HADHA: variants seen among roughly 807,000 people sequenced by gnomAD.
The protein encoded by HADHA is hydroxyacyl-CoA dehydrogenase trifunctional multienzyme complex subunit alpha.
In HADHA, 59 loss-of-function variants were observed where a neutral mutation model predicts 91.3. The ratio of observed to expected loss-of-function variants is 0.65; its 90% CI spans 0.52 to 0.80. HADHA has a LOEUF of 0.80. Among genes scored for constraint, HADHA ranks in the 30% least tolerant of loss-of-function variants. The pLI, the probability that HADHA is intolerant of heterozygous loss-of-function variation, is 0.00. For missense variants in HADHA, 800 were observed against 927.6 expected (o/e 0.86, Z 1.79); for synonymous variants, 320 against 338.9 (o/e 0.94, Z 0.61).
intron 7 of HADHA, among the ~76,000 whole-genome samples, chr2:26,219,662 C>T (rs1026000481): frequency 1.3e-5 from 2 of 152,124 alleles, no homozygotes; most frequent in Non-Finnish European, 2.9e-5. Flanking sequence ...AAAGGAATCC[C>T]GGGGTGGCAG....
intron 5 of HADHA, among the ~76,000 whole-genome samples, chr2:26,233,409 A>C (rs1188373716): frequency 1.3e-5 from 2 of 152,264 alleles, no homozygotes. Context: ...AAATGACTGC[A>C]TATGTGAAAG....
At chr2:26,197,873 C>T (rs1669719822) in intron 13 of HADHA, 96 bp from the exon 14 acceptor site, 1 of 760,688 alleles carries the variant, frequency 1.3e-6, no homozygotes, top group African/African-American at 1.7e-5. Context: ...GCCCAGCCCA[C>T]TCTGTCCCCC....
chr2:26,205,805 T>TA (rs1195560294), intron 11 of HADHA, among the ~76,000 whole-genome samples: 143 of 151,060 alleles, frequency 9.5e-4, no homozygotes, highest in South Asian at 4.2e-3. Context: ...CCATTTTTTT[T>TA]AAAAAAAAAA....
intron 12 of HADHA, among the ~76,000 whole-genome samples, chr2:26,201,541 C>T (rs1325356685): frequency 6.6e-6 from 1 of 152,110 alleles, no homozygotes; most frequent in Non-Finnish European, 1.5e-5. Flanking sequence ...ATGTTAACTC[C>T]CAAGTACACA....
At chr2:26,212,019 T>G (rs1311470683) in intron 10 of HADHA, 1 of 158,438 alleles carries the variant, frequency 6.3e-6, no homozygotes. Flanking sequence ...GTTCCTGCCC[T>G]TCGTAGAGAC....
chr2:26,192,069 C>G (rs200032312), intron 18 of HADHA, among the ~76,000 whole-genome samples: 1 of 152,070 alleles, frequency 6.6e-6, no homozygotes, highest in Non-Finnish European at 1.5e-5. Flanking sequence ...GGAGCACGTG[C>G]GAGGGCCTTC....
At chr2:26,219,014 A>AC in intron 7 of HADHA, among the ~76,000 whole-genome samples, 1 of 150,464 alleles carries the variant, frequency 6.6e-6, no homozygotes, top group African/African-American at 2.4e-5. Flanking sequence ...CTCAAAAAAA[A>AC]AAAAAAAAAG....
chr2:26,227,394 C>T (rs1247178549), intron 7 of HADHA, among the ~76,000 whole-genome samples: 1 of 152,008 alleles, frequency 6.6e-6, no homozygotes, highest in East Asian at 1.9e-4. Context: ...CGCCTGTAGT[C>T]CCAGCTACTT....
chr2:26,213,957 G>C (rs1272163916), intron 9 of HADHA, among the ~76,000 whole-genome samples: 1 of 152,130 alleles, frequency 6.6e-6, no homozygotes, highest in African/African-American at 2.4e-5. Context: ...GAGATTTCTT[G>C]AATCCTGTGA....
At chr2:26,215,859 C>T (rs907804263) in intron 7 of HADHA, among the ~76,000 whole-genome samples, 3 of 152,212 alleles carry the variant, frequency 2.0e-5, no homozygotes, top group Non-Finnish European at 2.9e-5. Context: ...CTCATAGTAT[C>T]ATGATGTTTA....
chr2:26,198,351 C>T (rs1190607841), intron 13 of HADHA, among the ~76,000 whole-genome samples: 1 of 149,448 alleles, frequency 6.7e-6, no homozygotes, highest in Non-Finnish European at 1.5e-5. Context: ...ATTCTGGCCA[C>T]GATCCCAACT....
intron 7 of HADHA, among the ~76,000 whole-genome samples, chr2:26,225,827 T>C (rs1407703227): frequency 6.6e-6 from 1 of 152,178 alleles, no homozygotes; most frequent in East Asian, 1.9e-4. Context: ...TCCAGTATTG[T>C]ACAAAGGTCT....
At position 26,195,545 on chromosome 2, in the gene HADHA, C is replaced by T. The variant is rs377701710; in HGVS notation, c.1480-313G>A. 2.4e-4 allele frequency among the ~76,000 whole-genome samples: 34 copies of T among 143,274 alleles called. No homozygotes were observed. In the East Asian group the frequency reaches 5.4e-3, roughly 23 times the overall value. 94.0% of individuals were successfully genotyped at this position (143,274 alleles called of 152,430 possible). A position where few individuals can be genotyped will look rare whatever the true frequency, so the allele number is the denominator to read the frequency against. ...TATTGGGGAACGACGGATGAAGGTT[C>T]CACTTATATTAATGATACTGATGGT... On this transcript the variant is annotated intron_variant, in intron 14 of 19. Transcript: ENST00000380649.
At chr2:26,226,334 T>G (rs1450178470) in intron 7 of HADHA, among the ~76,000 whole-genome samples, 1 of 152,198 alleles carries the variant, frequency 6.6e-6, no homozygotes, top group African/African-American at 2.4e-5. Flanking sequence ...ATTATAAAAT[T>G]TGTACACAAA....
chr2:26,229,348 G>A lies in HADHA; in HGVS notation c.676+844C>T, dbSNP rs75328342. ...GTGAGACCCCAACATGTGTGCGCGC[G>A]CACACACACACACACACACACACAC... On this transcript the variant is annotated intron_variant, in intron 7 of 19. Transcript: ENST00000380649. This position sits in a 1 kb window ranked among gnomAD's most constrained non-coding sequence, Gnocchi z 4.3. Among the ~76,000 whole-genome samples the A allele has an allele frequency of 9.8e-3, 1,450 of 147,620 alleles. 24 individuals carry two copies. Among genetic ancestry groups the A allele is most frequent in the East Asian group, 0.056 (278 of 4,952 alleles).
At chr2:26,244,413 G>T in intron 1 of HADHA, 117 bp downstream of exon 1, 1 of 1,020,658 alleles carries the variant, frequency 9.8e-7, no homozygotes, top group Non-Finnish European at 1.5e-6. Flanking sequence ...TCCCCACAGA[G>T]GGCTGCGTCT....
chr2:26,198,850 G>C (rs1009196527), intron 13 of HADHA, among the ~76,000 whole-genome samples: 1 of 151,606 alleles, frequency 6.6e-6, no homozygotes, highest in African/African-American at 2.4e-5. Context: ...AGGAGTTCAA[G>C]ACCAACCTCG....
intron 7 of HADHA, among the ~76,000 whole-genome samples, chr2:26,216,968 T>A (rs1424487527): frequency 1.3e-5 from 2 of 151,944 alleles, no homozygotes; most frequent in Admixed American, 1.3e-4. Flanking sequence ...TAGACACAGA[T>A]TCAGAAATGA....
In HADHA at chr2:26,210,941, T is replaced by C. The variant is rs563956973; in HGVS notation, c.976-1052A>G. On this transcript the variant is annotated intron_variant, in intron 10 of 19. Transcript: ENST00000380649. This position sits in a 1 kb window ranked among gnomAD's most constrained non-coding sequence, Gnocchi z 4.0. ...ATATCACTAGGATATAATGGTAAGA[T>C]TGCATGGTTACAAAGAGCATTTCAA... The C allele has an allele frequency of 6.6e-6, 1 of 152,310 alleles. No individual in the cohort carries two copies. The highest frequency in any genetic ancestry group is 2.1e-4 in the South Asian group (1 of 4,822). 9.4% of individuals were successfully genotyped at this position (152,310 alleles called of 1,614,324 possible). A position where few individuals can be genotyped will look rare whatever the true frequency, so the allele number is the denominator to read the frequency against.
Sources: allele counts gnomAD v4.1 joint callset (sites outside exome capture counted in the v4.1 genomes callset), GRCh38; gene constraint gnomAD v4.1.1; non-coding constraint Gnocchi (gnomAD v3.1); transcripts MANE v1.5; gene names NCBI Gene and HGNC (gene_info 2026-07-23, HGNC 2026-07-21).